The following SERGEF variants were observed in gnomAD, a reference collection of about 807,000 sequenced individuals.
The protein encoded by SERGEF is secretion-regulating guanine nucleotide exchange factor.
Under a neutral mutation model 50.0 loss-of-function variants are expected in SERGEF, and 51 were observed. That is an observed-to-expected ratio of 1.02 (90% CI 0.81 to 1.29). SERGEF has a LOEUF of 1.29. SERGEF is among the 50% of genes most tolerant of loss of function. SERGEF has a pLI of 0.00. For synonymous variants in SERGEF, 205 were observed against 212.4 expected, an observed-to-expected ratio of 0.97 and a Z score of 0.30; for missense variants, 521 against 557.0, an observed-to-expected ratio of 0.94 and a Z score of 0.65.
At chr11:17,977,582 G>T (rs951556638) in intron 8 of SERGEF, among the ~76,000 whole-genome samples, 3 of 152,146 alleles carry the variant, frequency 2.0e-5, no homozygotes, top group Non-Finnish European at 2.9e-5. Flanking sequence ...CAAAATATCT[G>T]TTGCCCCCTC....
At chr11:17,959,415 T>C in intron 9 of SERGEF, 55 bp downstream of exon 9, 1 of 1,522,710 alleles carries the variant, frequency 6.6e-7, no homozygotes, top group Non-Finnish European at 9.0e-7. Context: ...AGTAAATGAT[T>C]CACTGAAAGA....
chr11:17,953,198 G>C (rs902179106), intron 9 of SERGEF, among the ~76,000 whole-genome samples: 5 of 151,418 alleles, frequency 3.3e-5, no homozygotes, highest in Non-Finnish European at 5.9e-5. Flanking sequence ...TAAAGCCTTT[G>C]TCACATTCTG....
chr11:17,868,903 C>G (rs1284603945), intron 10 of SERGEF, among the ~76,000 whole-genome samples: 1 of 152,114 alleles, frequency 6.6e-6, no homozygotes, highest in Non-Finnish European at 1.5e-5. Flanking sequence ...TCCCATGATT[C>G]AATTACCTCC....
intron 9 of SERGEF, among the ~76,000 whole-genome samples, chr11:17,882,214 G>A (rs762303048): frequency 2.6e-5 from 4 of 152,024 alleles, no homozygotes; most frequent in Non-Finnish European, 5.9e-5. Context: ...CCAGGAGTTC[G>A]AGACCAGCCT....
chr11:17,974,384 C>T (rs1853323780), intron 8 of SERGEF, among the ~76,000 whole-genome samples: 1 of 152,208 alleles, frequency 6.6e-6, no homozygotes, highest in Non-Finnish European at 1.5e-5. Flanking sequence ...GAGAGGAGGA[C>T]TTTTCCATGG....
intron 9 of SERGEF, among the ~76,000 whole-genome samples, chr11:17,912,995 G>T (rs1402139448): frequency 6.6e-6 from 1 of 152,328 alleles, no homozygotes; most frequent in Non-Finnish European, 1.5e-5. Flanking sequence ...CTTACAAACT[G>T]TAAAGTCTGT....
chr11:17,982,576 T>A (rs752770131), intron 8 of SERGEF, among the ~76,000 whole-genome samples: 1 of 152,210 alleles, frequency 6.6e-6, no homozygotes, highest in Non-Finnish European at 1.5e-5. Flanking sequence ...TGAAGTTTCA[T>A]GATATATGGT....
At chr11:17,795,649 C>T (rs1429392401) in intron 10 of SERGEF, among the ~76,000 whole-genome samples, 1 of 152,226 alleles carries the variant, frequency 6.6e-6, no homozygotes, top group African/African-American at 2.4e-5. Flanking sequence ...TCCCCGAATT[C>T]ACCCAGGCTG....
chr11:17,921,825 T>C (rs533530841), intron 9 of SERGEF, among the ~76,000 whole-genome samples: 1 of 152,342 alleles, frequency 6.6e-6, no homozygotes, highest in South Asian at 2.1e-4. Context: ...TTAGGGATAC[T>C]GTAATTAGAA....
chr11:17,884,351 G>A lies in SERGEF; in HGVS notation c.1012-6107C>T, dbSNP rs79899848. 0.011 allele frequency among the ~76,000 whole-genome samples: 1,674 copies of A among 152,312 alleles called. 25 individuals carry two copies. The highest frequency in any genetic ancestry group is 0.038 in the African/African-American group (1,599 of 41,560). On this transcript the variant is annotated intron_variant, in intron 9 of 10. Coordinates refer to ENST00000265965, the MANE Select transcript of SERGEF (RefSeq NM_012139.4). The surrounding 1 kb of genome is among the most constrained non-coding windows in gnomAD (Gnocchi z 4.6). ...GAGAAGCGTACCAGAAGCAGCTCCA[G>A]AATGGCAGCCCCAGCTGGCTGGGCA...
chr11:17,970,344 T>C (rs903740455), intron 8 of SERGEF, among the ~76,000 whole-genome samples: 25 of 152,296 alleles, frequency 1.6e-4, no homozygotes, highest in Admixed American at 4.6e-4. Context: ...ACCATGCCCA[T>C]GTAAGATGGC....
Position 17,876,579 on chromosome 11 carries a change from G to A in SERGEF, c.1048+1629C>T, listed in dbSNP as rs182143516. 2.4e-3 allele frequency among the ~76,000 whole-genome samples: 359 copies of A among 152,334 alleles called. 1 individual carries two copies. The highest frequency in any genetic ancestry group is 8.3e-3 in the African/African-American group (346 of 41,578). Reference sequence around the variant, plus strand: ...TTACAAAGATGAGAAGAATATGGACGCTCACACAGAGATGGAGCCAGTTTG... The same window carrying A: ...TTACAAAGATGAGAAGAATATGGACACTCACACAGAGATGGAGCCAGTTTG... On this transcript the variant is annotated intron_variant, in intron 10 of 10. Coordinates refer to ENST00000265965, the MANE Select transcript of SERGEF (RefSeq NM_012139.4).
At chr11:17,805,239 G>A (rs1047885651) in intron 10 of SERGEF, among the ~76,000 whole-genome samples, 5 of 152,156 alleles carry the variant, frequency 3.3e-5, no homozygotes, top group Admixed American at 1.3e-4. Context: ...CGTGGTCTTG[G>A]GTGAGTCACT....
intron 9 of SERGEF, among the ~76,000 whole-genome samples, chr11:17,923,085 T>C (rs568150018): frequency 6.6e-6 from 1 of 152,186 alleles, no homozygotes; most frequent in African/African-American, 2.4e-5. Flanking sequence ...ATACATCAGT[T>C]TGCATTCCTC....
intron 10 of SERGEF, among the ~76,000 whole-genome samples, chr11:17,800,304 C>T (rs1371942417): frequency 2.0e-5 from 3 of 152,242 alleles, no homozygotes; most frequent in African/African-American, 4.8e-5. Flanking sequence ...ACACCATTGG[C>T]GCTCAAAGTG....
rs370795353 is a variant in SERGEF at position 18,000,562 on chromosome 11, C to A, written c.448-5G>T. ...AACAACCTTCTCTTTATGGAGCTGT[C>A]AAAATAAAGAAAAGGATTTAGATCT... On this transcript the variant is annotated splice_region_variant and splice_polypyrimidine_tract_variant and intron_variant, in intron 4 of 10. Coordinates refer to ENST00000265965, the MANE Select transcript of SERGEF (RefSeq NM_012139.4). 4 of 1,575,502 alleles carry A rather than the reference C, an allele frequency of 2.5e-6. No homozygotes were observed. Among genetic ancestry groups the A allele is most frequent in the Non-Finnish European group, 2.6e-6 (3 of 1,166,066 alleles).
chr11:17,858,454 G>C (rs1479171463), intron 10 of SERGEF, among the ~76,000 whole-genome samples: 1 of 152,100 alleles, frequency 6.6e-6, no homozygotes, highest in African/African-American at 2.4e-5. Context: ...TACACCCCAA[G>C]ACAGAAGATT....
At chr11:18,006,535 A>C in intron 3 of SERGEF, 56 bp downstream of exon 3, 1 of 1,518,828 alleles carries the variant, frequency 6.6e-7, no homozygotes, top group Non-Finnish European at 9.0e-7. Context: ...CCATCATCAT[A>C]CTGTTCTCAC....
intron 10 of SERGEF, chr11:17,856,335 A>G (rs1850817850): frequency 6.6e-6 from 1 of 152,350 alleles, no homozygotes; most frequent in Non-Finnish European, 1.5e-5. Flanking sequence ...ATTCCCAATT[A>G]CACATTACTT....
Sources: allele counts gnomAD v4.1 joint callset (sites outside exome capture counted in the v4.1 genomes callset), GRCh38; gene constraint gnomAD v4.1.1; non-coding constraint Gnocchi (gnomAD v3.1); transcripts MANE v1.5; gene names NCBI Gene and HGNC (gene_info 2026-07-23, HGNC 2026-07-21).